THRAP3: variants seen among roughly 807,000 people sequenced by gnomAD.
THRAP3 encodes the protein thyroid hormone receptor-associated protein 3.
A neutral mutation model predicts 101.0 loss-of-function variants in THRAP3; 16 were observed. The ratio of observed to expected loss-of-function variants is 0.16; its 90% CI spans 0.11 to 0.24. The LOEUF is 0.24. Ranked by LOEUF, THRAP3 falls within the 10% of genes least tolerant of loss-of-function variation. The probability of loss-of-function intolerance (pLI) is 1.00; values close to 1 mark genes in which losing one functional copy is unlikely to be tolerated. For missense variants in THRAP3, 989 were observed against 1,202.7 expected (o/e 0.82, Z 2.63); for synonymous variants, 407 against 422.6 (o/e 0.96, Z 0.45).
chr1:36,245,429 A>G (rs1645219598), intron 1 of THRAP3, among the ~76,000 whole-genome samples: 1 of 151,992 alleles, frequency 6.6e-6, no homozygotes, highest in African/African-American at 2.4e-5. Flanking sequence ...TCAGCCTCCC[A>G]GAGTGCTGGG....
In THRAP3 at chr1:36,282,612, A is replaced by G; in HGVS notation, c.49A>G (p.Arg17Gly). Residue 17 changes from arginine (R) to glycine (G), a missense_variant, in exon 3 of 12, where the codon AGA becomes GGA. By Grantham distance (125) the Arg-to-Gly change is moderately radical. Coordinates refer to ENST00000354618, the MANE Select transcript of THRAP3 (RefSeq NM_005119.4). Reference protein sequence around the residue: ...SKSGSRSSRSRSASRSRSRSF... With the variant: ...SKSGSRSSRSGSASRSRSRSF... ...GTCTGGATCTCGCTCTTCTCGCTCA[A>G]GATCTGCATCAAGATCTCGTTCTCG... 1 of 1,614,162 alleles carries G rather than the reference A, an allele frequency of 6.2e-7. No individual in the cohort carries two copies. The highest frequency in any genetic ancestry group is 8.5e-7 in the Non-Finnish European group (1 of 1,180,018).
intron 5 of THRAP3, among the ~76,000 whole-genome samples, chr1:36,290,984 A>G (rs181056208): frequency 4.0e-5 from 6 of 151,890 alleles, no homozygotes; most frequent in Admixed American, 3.9e-4. Context: ...CTTTTTATTG[A>G]TTGATTGATT....
At chr1:36,213,673 C>T in the THRAP3 span, among the ~76,000 whole-genome samples, 1 of 151,520 alleles carries the variant, frequency 6.6e-6, no homozygotes, top group African/African-American at 2.4e-5. Context: ...TAGTGAAACC[C>T]CGTCTCTACT....
intron 1 of THRAP3, among the ~76,000 whole-genome samples, chr1:36,249,685 A>AGAGTGTGTGT (rs112896222): frequency 3.6e-5 from 5 of 138,114 alleles, no homozygotes; most frequent in Non-Finnish European, 3.1e-5. Context: ...GCAGGTGGTG[A>AGAGTGTGTGT]GTGTGTGTGT....
chr1:36,299,283 A>C (rs1645999253), intron 9 of THRAP3, among the ~76,000 whole-genome samples: 1 of 151,792 alleles, frequency 6.6e-6, no homozygotes, highest in African/African-American at 2.4e-5. Context: ...TACTAAAAAT[A>C]CAAAAATTAG....
intron 11 of THRAP3, 76 bp downstream of exon 11, chr1:36,301,772 G>C: frequency 6.5e-7 from 1 of 1,530,374 alleles, no homozygotes. Flanking sequence ...GCCTTAATTA[G>C]TTTGTCCAAA....
rs192167775 is a variant in THRAP3, at chr1:36,235,853, A to G, written c.-135+11348A>G. On this transcript the variant is annotated intron_variant, in intron 1 of 11. Coordinates refer to ENST00000354618, the MANE Select transcript of THRAP3 (RefSeq NM_005119.4). Reference sequence around the variant, plus strand: ...GCTTATGGTACATTCATATAGTGGAATGCTAGGTAGAAAAGAGATGGAGAC... The same window carrying G: ...GCTTATGGTACATTCATATAGTGGAGTGCTAGGTAGAAAAGAGATGGAGAC... Among the ~76,000 whole-genome samples, 486 of 152,270 alleles carry G rather than the reference A, an allele frequency of 3.2e-3. 4 individuals are homozygous for G. Among genetic ancestry groups the G allele is most frequent in the African/African-American group, 0.011 (467 of 41,560 alleles).
intron 2 of THRAP3, among the ~76,000 whole-genome samples, chr1:36,267,367 G>GT (rs1323219257): frequency 1.3e-5 from 2 of 152,214 alleles, no homozygotes; most frequent in East Asian, 1.9e-4. Flanking sequence ...TAATTTTTAA[G>GT]TTTTTTTGTC....
intron 1 of THRAP3, among the ~76,000 whole-genome samples, chr1:36,247,820 T>A (rs1354420173): frequency 2.0e-5 from 3 of 152,052 alleles, no homozygotes; most frequent in African/African-American, 4.8e-5. Context: ...GCCCAACTTA[T>A]TCCTCTTAAC....
intron 11 of THRAP3, among the ~76,000 whole-genome samples, chr1:36,303,256 A>C (rs1300365136): frequency 6.6e-6 from 1 of 151,502 alleles, no homozygotes; most frequent in Non-Finnish European, 1.5e-5. Context: ...GAGCCACTGC[A>C]CCCAGCCGCA....
At chr1:36,256,653 A>G (rs1373098027) in intron 1 of THRAP3, among the ~76,000 whole-genome samples, 3 of 152,140 alleles carry the variant, frequency 2.0e-5, no homozygotes, top group Non-Finnish European at 2.9e-5. Flanking sequence ...TTATGCTCCT[A>G]TTTTATGCTC....
At chr1:36,214,095 T>A in the THRAP3 span, among the ~76,000 whole-genome samples, 10 of 150,158 alleles carry the variant, frequency 6.7e-5, no homozygotes, top group Non-Finnish European at 1.5e-4. Context: ...AGGAAAAAAC[T>A]AAGGAAAGTC....
In THRAP3 at chr1:36,293,938, G is replaced by GAACT; in HGVS notation, c.2115+4_2115+7dup. ...GTCCCCGGGAACCTGGCTACAAGGT[G>GAACT]AACTGTTGATTTGATCAGTAATTCC... On this transcript the variant is annotated splice_donor_region_variant and intron_variant, in intron 8 of 11. Coordinates refer to ENST00000354618, the MANE Select transcript of THRAP3 (RefSeq NM_005119.4). 1 of 1,613,156 alleles carries GAACT rather than the reference G, an allele frequency of 6.2e-7. No individual in the cohort carries two copies.
At chr1:36,249,343 C>G (rs1645270126) in intron 1 of THRAP3, among the ~76,000 whole-genome samples, 1 of 152,110 alleles carries the variant, frequency 6.6e-6, no homozygotes, top group African/African-American at 2.4e-5. Flanking sequence ...AGGTGCCCGC[C>G]ACCACACCTT....
At position 36,271,003 on chromosome 1, in the gene THRAP3, A is replaced by G. The variant is rs555684406; in HGVS notation, c.-32+11519A>G. The stretch of plus-strand genomic sequence containing the variant: ...AATAATGGGGGAGAAATCTCTGCCT[A>G]AAAAAATTAAAGTAAGAAGCAAGTG... On this transcript the variant is annotated intron_variant, in intron 2 of 11. Transcript: ENST00000354618. 7.9e-5 allele frequency among the ~76,000 whole-genome samples: 12 copies of G among 152,202 alleles called. No individual in the cohort carries two copies. In the East Asian group the frequency reaches 2.1e-3, roughly 27 times the overall value.
rs147013966 is a variant in THRAP3, at chr1:36,291,944, G to A, written c.1918+398G>A. Among the ~76,000 whole-genome samples the A allele has an allele frequency of 5.9e-5, 9 of 152,250 alleles. No individual in the cohort carries two copies. In the East Asian group the frequency reaches 1.7e-3, roughly 29 times the overall value. On this transcript the variant is annotated intron_variant, in intron 6 of 11. Transcript: ENST00000354618. ...TGGGCAAATGGGGTTGGGCAAGTTA[G>A]GGAATGACTAAGAGAAGTGATGGAG...
At chr1:36,289,896 C>T (rs1184548349) in intron 5 of THRAP3, 132 bp downstream of exon 5, 1 of 1,272,774 alleles carries the variant, frequency 7.9e-7, no homozygotes, top group Non-Finnish European at 1.1e-6. Context: ...TTCATGTCCA[C>T]CTGTGTTCAC....
intron 2 of THRAP3, among the ~76,000 whole-genome samples, chr1:36,264,951 A>C (rs948871185): frequency 6.6e-6 from 1 of 152,122 alleles, no homozygotes; most frequent in Non-Finnish European, 1.5e-5. Context: ...TGACAGAAGG[A>C]TCTGTTCCAG....
chr1:36,214,038 GAAA>G, the THRAP3 span, among the ~76,000 whole-genome samples: 124 of 145,868 alleles, frequency 8.5e-4, 1 homozygote, highest in Admixed American at 2.4e-3. Flanking sequence ...AAGAAAGAAA[GAAA>G]GAAAGAAAGA....
Sources: allele counts gnomAD v4.1 joint callset (sites outside exome capture counted in the v4.1 genomes callset), GRCh38; gene constraint gnomAD v4.1.1; transcripts MANE v1.5; gene names NCBI Gene and HGNC (gene_info 2026-07-23, HGNC 2026-07-21).